Variants in NFATC2 observed in about 807,000 individuals in gnomAD.
NFATC2 encodes the protein nuclear factor of activated T cells 2.
In NFATC2, 22 loss-of-function variants were observed where a neutral mutation model predicts 87.3. The observed-to-expected ratio is 0.25, with a 90% CI of 0.18 to 0.36. The LOEUF (loss-of-function observed/expected upper bound fraction) is 0.36, where lower values mean the gene tolerates loss of function less well. Among genes scored for constraint, NFATC2 ranks in the 10% least tolerant of loss-of-function variants. NFATC2 has a pLI of 1.00. For synonymous variants in NFATC2, 565 were observed against 542.2 expected, an observed-to-expected ratio of 1.04 and a Z score of -0.58; for missense variants, 1,149 against 1,259.1, an observed-to-expected ratio of 0.91 and a Z score of 1.32.
chr20:51,523,283 G>T lies in NFATC2; in HGVS notation c.958C>A (p.Pro320Thr), dbSNP rs746517027. The T allele has an allele frequency of 6.2e-6, 10 of 1,613,894 alleles. No homozygotes were observed. The South Asian group carries it at 9.9e-5, about 16-fold the overall frequency. The change falls in exon 2 of 11, where the codon CCC (proline) becomes ACC (threonine). Residue 320 changes from proline to threonine, a missense_variant. Physicochemically the swap from Pro to Thr is conservative, Grantham distance 38 (BLOSUM62 -1). Around this residue, in one of 3 missense-constraint regions of NFATC2, gnomAD observed 563 missense variants for 585.2 expected, o/e 0.96. Transcript: ENST00000371564. The surrounding 1 kb of genome is among the most constrained non-coding windows in gnomAD (Gnocchi z 6.9). ...LATDSPCGIPPKMWKTSPDPS... is the reference protein window; with the variant it reads ...LATDSPCGIPTKMWKTSPDPS... The stretch of plus-strand genomic sequence containing the variant: ...TCAGGGCTGGTCTTCCACATCTTGG[G>T]GGGGATCCCACAAGGCGAGTCCGTG...
rs1011178158 is a variant in NFATC2, at chr20:51,480,075, G to A, written c.1333-4415C>T. ...GGCTGAGGTGGGCAGATCACTTGAC[G>A]TCAGGAGTTCAAGACCAGCCCGGGC... On this transcript the variant is annotated intron_variant, in intron 3 of 10. Coordinates refer to ENST00000371564, the MANE Select transcript of NFATC2 (RefSeq NM_012340.5). The surrounding 1 kb of genome is among the most constrained non-coding windows in gnomAD (Gnocchi z 4.2). Among the ~76,000 whole-genome samples the A allele has an allele frequency of 2.0e-5, 3 of 151,974 alleles. No individual in the cohort carries two copies. Among genetic ancestry groups the A allele is most frequent in the Non-Finnish European group, 2.9e-5 (2 of 67,998 alleles).
chr20:51,462,730 G>C lies in NFATC2; in HGVS notation c.1709-8042C>G, dbSNP rs1987288410. Among the ~76,000 whole-genome samples, 3 of 152,260 alleles carry C rather than the reference G, an allele frequency of 2.0e-5. No individual in the cohort carries two copies. The South Asian group carries it at 6.2e-4, about 32-fold the overall frequency. On this transcript the variant is annotated intron_variant, in intron 5 of 10. Transcript: ENST00000371564. The stretch of plus-strand genomic sequence containing the variant: ...ATGGGCCTGCGTGGCATCTCATCAG[G>C]ACTCAGTGAATGTTAGTTGTGTTTA...
intron 1 of NFATC2, among the ~76,000 whole-genome samples, chr20:51,539,180 C>G (rs2076766677): frequency 6.6e-6 from 1 of 152,164 alleles, no homozygotes; most frequent in Non-Finnish European, 1.5e-5. Flanking sequence ...CCCAAAATTC[C>G]CTAATTTACC....
intron 6 of NFATC2, among the ~76,000 whole-genome samples, chr20:51,442,747 G>A (rs1600740184): frequency 7.2e-6 from 1 of 138,786 alleles, no homozygotes; most frequent in Non-Finnish European, 1.5e-5. Context: ...CATTGCAACT[G>A]CCTGTTGACT....
At chr20:51,506,780 A>C (rs1568702449) in intron 3 of NFATC2, among the ~76,000 whole-genome samples, 1 of 152,128 alleles carries the variant, frequency 6.6e-6, no homozygotes, top group African/African-American at 2.4e-5. Context: ...AGGTGTGGTC[A>C]TGGTCCCCTC....
chr20:51,531,220 T>C (rs1429075970), intron 1 of NFATC2, among the ~76,000 whole-genome samples: 2 of 152,222 alleles, frequency 1.3e-5, no homozygotes, highest in African/African-American at 4.8e-5. Context: ...AGCCCCAGCA[T>C]GGCACAGGAG....
chr20:51,492,115 A>C (rs1266176342), intron 3 of NFATC2, among the ~76,000 whole-genome samples: 2 of 151,454 alleles, frequency 1.3e-5, no homozygotes, highest in Non-Finnish European at 2.9e-5. Context: ...AAACCAAATC[A>C]CCTCGGCCCC....
At chr20:51,472,925 C>T (rs1988367050) in intron 5 of NFATC2, among the ~76,000 whole-genome samples, 1 of 152,146 alleles carries the variant, frequency 6.6e-6, no homozygotes, top group South Asian at 2.1e-4. Flanking sequence ...CTTGCCTCTT[C>T]TTCATGCTTT....
At chr20:51,505,165 C>T (rs1217822608) in intron 3 of NFATC2, among the ~76,000 whole-genome samples, 1 of 151,800 alleles carries the variant, frequency 6.6e-6, no homozygotes, top group African/African-American at 2.4e-5. Flanking sequence ...ATGCGCCCGC[C>T]ACCATGCCTG....
At chr20:51,548,388 A>G (rs1264838487) in intron 1 of NFATC2, among the ~76,000 whole-genome samples, 1 of 152,072 alleles carries the variant, frequency 6.6e-6, no homozygotes, top group Non-Finnish European at 1.5e-5. Context: ...TATTTTATTC[A>G]TATGTATATT....
intron 9 of NFATC2, among the ~76,000 whole-genome samples, chr20:51,407,935 G>C (rs1978583410): frequency 6.6e-6 from 1 of 152,226 alleles, no homozygotes; most frequent in Non-Finnish European, 1.5e-5. Context: ...CAGGAAGCAG[G>C]TTTTAAGAGC....
At chr20:51,454,828 C>A (rs1986226811) in intron 5 of NFATC2, 140 bp from the exon 6 acceptor site, 2 of 924,632 alleles carry the variant, frequency 2.2e-6, no homozygotes, top group Non-Finnish European at 3.2e-6. Flanking sequence ...GGAACCATCA[C>A]CCCTGACAAT....
chr20:51,475,342 C>G, intron 4 of NFATC2, 116 bp downstream of exon 4: 2 of 933,898 alleles, frequency 2.1e-6, no homozygotes, highest in Non-Finnish European at 1.7e-6. Flanking sequence ...AGACTGAGAA[C>G]TGCCATCAAC....
chr20:51,547,896 C>T (rs2076902296), intron 1 of NFATC2, among the ~76,000 whole-genome samples: 1 of 152,162 alleles, frequency 6.6e-6, no homozygotes, highest in African/African-American at 2.4e-5. Context: ...TTCAGGCCTT[C>T]ATTATTTCTT....
intron 3 of NFATC2, among the ~76,000 whole-genome samples, chr20:51,484,620 G>A (rs1395267236): frequency 6.6e-6 from 1 of 152,200 alleles, no homozygotes; most frequent in Non-Finnish European, 1.5e-5. Context: ...CCTCTCCCAT[G>A]ACAAAGAGCT....
rs1020580144 is a variant in NFATC2 at position 51,562,438 on chromosome 20, G to C, written c.70+122C>G. ...CTACCTGTGCGCCGAGGGCGAGCGG[G>C]GTCCCCAGGCCTCCCGCACCGACCT... On this transcript the variant is annotated intron_variant, in intron 1 of 10. Transcript: ENST00000414705. This position sits in a 1 kb window ranked among gnomAD's most constrained non-coding sequence, Gnocchi z 5.8. The C allele has an allele frequency of 1.5e-5, 13 of 859,854 alleles. No homozygotes were observed. In the African/African-American group the frequency reaches 1.7e-4, roughly 11 times the overall value. The allele number at this position is 859,854 out of a possible 1,614,324, so 53.3% of individuals were successfully genotyped here.
Position 51,478,323 on chromosome 20 carries a change from A to G in NFATC2, c.1333-2663T>C, listed in dbSNP as rs183759555. The stretch of plus-strand genomic sequence containing the variant: ...TTGCATTTGAGCCCAAGACAAATAT[A>G]TTTCCTCATCTCCTCTCCTGGATTT... On this transcript the variant is annotated intron_variant, in intron 3 of 10. Coordinates refer to ENST00000371564, the MANE Select transcript of NFATC2 (RefSeq NM_012340.5). Among the ~76,000 whole-genome samples the G allele has an allele frequency of 5.3e-5, 8 of 152,326 alleles. No individual in the cohort carries two copies. The East Asian group carries it at 1.5e-3, about 29-fold the overall frequency.
chr20:51,477,549 AT>A (rs1988832011), intron 3 of NFATC2, among the ~76,000 whole-genome samples: 2 of 103,166 alleles, frequency 1.9e-5, no homozygotes, highest in East Asian at 2.4e-4. Context: ...ATATATATAT[AT>A]ATATATATAT....
rs749224180 is a variant in NFATC2, at chr20:51,391,021, A to G, written c.*475T>C. ...AAAACGAACGCAAGGGCTGGGGTTT[A>G]ATCACAGTGCCCACATCTTCTGTCC... On this transcript the variant is annotated 3_prime_UTR_variant, in exon 11 of 11. Transcript: ENST00000371564. 5 of 377,960 alleles carry G rather than the reference A, an allele frequency of 1.3e-5. No individual in the cohort carries two copies. Among genetic ancestry groups the G allele is most frequent in the African/African-American group, 2.1e-5 (1 of 47,822 alleles). 23.4% of individuals were successfully genotyped at this position (377,960 alleles called of 1,614,324 possible).
Sources: allele counts gnomAD v4.1 joint callset (sites outside exome capture counted in the v4.1 genomes callset), GRCh38; gene constraint gnomAD v4.1.1; regional missense constraint gnomAD v4.1.1; non-coding constraint Gnocchi (gnomAD v3.1); transcripts MANE v1.5; gene names NCBI Gene and HGNC (gene_info 2026-07-23, HGNC 2026-07-21).